CCDC178: variants seen among roughly 807,000 people sequenced by gnomAD.
CCDC178 encodes coiled-coil domain containing 178, also known as coiled-coil domain-containing protein 178.
CCDC178 carries 126 observed loss-of-function variants against 117.4 expected under a neutral mutation model. The observed-to-expected ratio is 1.07, with a 90% CI of 0.93 to 1.24. The LOEUF (loss-of-function observed/expected upper bound fraction) is 1.24, where lower values mean the gene tolerates loss of function less well. CCDC178 is among the 50% of genes most tolerant of loss of function. CCDC178 has a pLI of 0.00. For missense variants in CCDC178, 1,030 were observed against 986.9 expected (o/e 1.04, Z -0.59); for synonymous variants, 283 against 313.4 (o/e 0.90, Z 1.02).
intron 20 of CCDC178, among the ~76,000 whole-genome samples, chr18:33,139,316 C>T (rs1394884904): frequency 1.3e-5 from 2 of 152,080 alleles, no homozygotes; most frequent in African/African-American, 2.4e-5. Flanking sequence ...TGAAAAGATA[C>T]CCAAAATGTG....
At chr18:33,270,271 CAAAAGT>C (rs964357754) in intron 12 of CCDC178, among the ~76,000 whole-genome samples, 8 of 150,622 alleles carry the variant, frequency 5.3e-5, no homozygotes, top group African/African-American at 1.9e-4. Context: ...AATATACATA[CAAAAGT>C]AAAAGTAGTC....
chr18:33,235,878 T>C (rs908986682), intron 15 of CCDC178, among the ~76,000 whole-genome samples: 2 of 152,198 alleles, frequency 1.3e-5, no homozygotes, highest in African/African-American at 4.8e-5. Flanking sequence ...CCTATCCCAA[T>C]TGGCTAATTT....
intron 21 of CCDC178, among the ~76,000 whole-genome samples, chr18:33,016,760 C>T (rs1262108008): frequency 6.6e-6 from 1 of 151,704 alleles, no homozygotes; most frequent in African/African-American, 2.4e-5. Context: ...TAACTCAAAA[C>T]ACATATAAAA....
At chr18:33,327,429 G>GT (rs1210367767) in intron 10 of CCDC178, among the ~76,000 whole-genome samples, 1 of 151,822 alleles carries the variant, frequency 6.6e-6, no homozygotes. Flanking sequence ...TTTTCTTTTT[G>GT]TTTTTTTAGT....
chr18:33,224,640 C>T (rs271429), intron 17 of CCDC178, 135 bp downstream of exon 17: 57,970 of 487,212 alleles, frequency 0.12, 4,762 homozygotes, highest in African/African-American at 0.32. Context: ...GATCAAGTTG[C>T]GTGGTCCTGA....
At chr18:33,188,250 G>GT (rs753368083) in intron 20 of CCDC178, among the ~76,000 whole-genome samples, 8 of 152,124 alleles carry the variant, frequency 5.3e-5, no homozygotes, top group Non-Finnish European at 8.8e-5. Context: ...TCAGCAATCA[G>GT]TATAGGGTCT....
chr18:33,171,979 C>T (rs751195023), intron 20 of CCDC178, among the ~76,000 whole-genome samples: 4 of 152,122 alleles, frequency 2.6e-5, no homozygotes, highest in East Asian at 1.9e-4. Context: ...GGCACGAACT[C>T]GGCTTACTGC....
At chr18:32,946,283 C>G (rs143998114) in intron 22 of CCDC178, among the ~76,000 whole-genome samples, 35 of 152,246 alleles carry the variant, frequency 2.3e-4, no homozygotes, top group Non-Finnish European at 3.4e-4. Context: ...TAAAATGCAA[C>G]AAAATAACTC....
intron 18 of CCDC178, among the ~76,000 whole-genome samples, chr18:33,216,536 C>T (rs1009427003): frequency 1.3e-5 from 2 of 152,086 alleles, no homozygotes; most frequent in Non-Finnish European, 2.9e-5. Flanking sequence ...ACTCTCCCAA[C>T]TGATTCTACA....
intron 20 of CCDC178, among the ~76,000 whole-genome samples, chr18:33,187,529 G>A (rs939857895): frequency 2.0e-5 from 3 of 152,002 alleles, no homozygotes; most frequent in Non-Finnish European, 4.4e-5. Flanking sequence ...CAAGTTCAGG[G>A]AGGACTCAGG....
intron 11 of CCDC178, among the ~76,000 whole-genome samples, chr18:33,320,272 G>A (rs966558996): frequency 6.6e-6 from 1 of 152,182 alleles, no homozygotes; most frequent in Non-Finnish European, 1.5e-5. Flanking sequence ...GAAAGAAAGT[G>A]TATTCAATTA....
Position 33,247,790 on chromosome 18 carries a change from GT to G in CCDC178, c.1410-2363del, listed in dbSNP as rs533439204. Among the ~76,000 whole-genome samples the G allele has an allele frequency of 1.6e-4, 24 of 151,926 alleles. No individual in the cohort carries two copies. In the East Asian group the frequency reaches 4.3e-3, roughly 27 times the overall value. ...GTTGTGCATGTTTATACATGTATTT[GT>G]TTTGTGGAAAACACAGTCCACGCAT... On this transcript the variant is annotated intron_variant, in intron 14 of 22. Transcript: ENST00000383096.
At chr18:32,992,262 A>C (rs2055410775) in intron 21 of CCDC178, among the ~76,000 whole-genome samples, 1 of 152,162 alleles carries the variant, frequency 6.6e-6, no homozygotes. Flanking sequence ...TGGGATTATC[A>C]AATCTCTAAG....
chr18:33,114,294 C>G (rs1360579901), intron 20 of CCDC178, among the ~76,000 whole-genome samples: 1 of 151,980 alleles, frequency 6.6e-6, no homozygotes, highest in Non-Finnish European at 1.5e-5. Context: ...GTCTGCAGCA[C>G]ATTCTGCATC....
At chr18:32,976,408 G>A (rs868118234) in intron 21 of CCDC178, among the ~76,000 whole-genome samples, 1 of 152,038 alleles carries the variant, frequency 6.6e-6, no homozygotes, top group South Asian at 2.1e-4. Context: ...GGTATTGGGG[G>A]TTCAGGAATG....
Position 33,348,973 on chromosome 18 carries a change from C to A in CCDC178, c.374G>T (p.Ser125Ile), listed in dbSNP as rs1423574283. Reference sequence around the variant, plus strand: ...CAGGTCTTTTGTGGAAGAAGTTCTGCTCCTATATAATGGGAAAGAAGCAAG... The same window carrying A: ...CAGGTCTTTTGTGGAAGAAGTTCTGATCCTATATAATGGGAAAGAAGCAAG... ...KRFETSFEEW[S>I]RTSSTKDLKE... The change falls in exon 8 of 23, where the codon AGC becomes ATC. Residue 125 changes from serine to isoleucine, a missense_variant and splice_region_variant. Coordinates refer to ENST00000383096, the MANE Select transcript of CCDC178 (RefSeq NM_001105528.4). The A allele has an allele frequency of 1.2e-6, 2 of 1,601,494 alleles. No individual in the cohort carries two copies. Among genetic ancestry groups the A allele is most frequent in the Admixed American group, 3.4e-5 (2 of 58,888 alleles).
chr18:33,335,403 TAGAC>T (rs2062726188), intron 9 of CCDC178, among the ~76,000 whole-genome samples: 2 of 152,062 alleles, frequency 1.3e-5, no homozygotes, highest in Admixed American at 6.5e-5. Context: ...CCTCACCAAT[TAGAC>T]AGTTAGATTT....
intron 11 of CCDC178, among the ~76,000 whole-genome samples, chr18:33,317,946 G>A (rs1053937881): frequency 1.7e-4 from 26 of 152,034 alleles, no homozygotes; most frequent in Admixed American, 4.6e-4. Flanking sequence ...CATGCTAAAT[G>A]GAATGAGCAC....
intron 20 of CCDC178, among the ~76,000 whole-genome samples, chr18:33,099,419 T>C (rs1369666993): frequency 6.6e-6 from 1 of 151,982 alleles, no homozygotes; most frequent in Non-Finnish European, 1.5e-5. Context: ...GGCTTTGATG[T>C]CCTTAAAGCA....
Sources: allele counts gnomAD v4.1 joint callset (sites outside exome capture counted in the v4.1 genomes callset), GRCh38; gene constraint gnomAD v4.1.1; transcripts MANE v1.5; gene names NCBI Gene and HGNC (gene_info 2026-07-23, HGNC 2026-07-21).